NPSR1: variants seen among roughly 807,000 people sequenced by gnomAD.
NPSR1 encodes neuropeptide S receptor 1.
NPSR1 carries 48 observed loss-of-function variants against 46.9 expected under a neutral mutation model. The ratio of observed to expected loss-of-function variants is 1.02; its 90% CI spans 0.81 to 1.30. NPSR1 has a LOEUF of 1.30. Among genes scored for constraint, NPSR1 ranks in the 50% most tolerant of loss-of-function variants. NPSR1 has a pLI of 0.00. For synonymous variants in NPSR1, 176 were observed against 168.1 expected (o/e 1.05, Z -0.36); for missense variants, 450 against 449.5 (o/e 1.00, Z -0.01).
intron 8 of NPSR1, among the ~76,000 whole-genome samples, chr7:34,870,801 G>A (rs12386776): frequency 0.36 from 53,793 of 151,254 alleles, 10,656 homozygotes; most frequent in African/African-American, 0.5. Flanking sequence ...CTTTAAATTC[G>A]TCTCATCTAG....
intron 8 of NPSR1, among the ~76,000 whole-genome samples, chr7:34,856,675 T>C (rs1244219714): frequency 6.6e-6 from 1 of 151,668 alleles, no homozygotes; most frequent in East Asian, 1.9e-4. Context: ...AGCAGACTTT[T>C]GTTTGTGACA....
At chr7:34,774,618 G>A (rs1400944398) in intron 2 of NPSR1, among the ~76,000 whole-genome samples, 2 of 152,214 alleles carry the variant, frequency 1.3e-5, no homozygotes, top group Non-Finnish European at 2.9e-5. Context: ...GGATGGCATT[G>A]CTTCAGAGCC....
intron 8 of NPSR1, among the ~76,000 whole-genome samples, chr7:34,863,975 CA>C (rs1403617023): frequency 6.6e-6 from 1 of 151,718 alleles, no homozygotes; most frequent in Admixed American, 6.5e-5. Flanking sequence ...GGAACCAACC[CA>C]AATGTCCATC....
At chr7:34,741,754 T>A (rs1279865120) in intron 2 of NPSR1, among the ~76,000 whole-genome samples, 1 of 152,228 alleles carries the variant, frequency 6.6e-6, no homozygotes, top group Admixed American at 6.5e-5. Context: ...CCCTGTGACA[T>A]TAGCAAACTG....
intron 2 of NPSR1, chr7:34,728,954 GAGA>G (rs1735023799): frequency 6.6e-6 from 1 of 152,358 alleles, no homozygotes; most frequent in South Asian, 2.1e-4. Context: ...CAGCTCCCAA[GAGA>G]AGAATGAAAG....
chr7:34,829,693 T>C (rs1336877095), intron 5 of NPSR1, among the ~76,000 whole-genome samples: 1 of 152,204 alleles, frequency 6.6e-6, no homozygotes, highest in Non-Finnish European at 1.5e-5. Context: ...TCCCCATTAA[T>C]TTGGGCTGCT....
intron 4 of NPSR1, among the ~76,000 whole-genome samples, chr7:34,819,596 C>G (rs547064465): frequency 6.6e-6 from 1 of 152,294 alleles, no homozygotes; most frequent in East Asian, 1.9e-4. Flanking sequence ...AATCATGCTA[C>G]TATAAAGACA....
intron 3 of NPSR1, among the ~76,000 whole-genome samples, chr7:34,790,368 G>A (rs959986777): frequency 6.6e-6 from 1 of 151,858 alleles, no homozygotes; most frequent in Non-Finnish European, 1.5e-5. Context: ...GAAGAGAAGT[G>A]CTTCAACAAA....
intron 4 of NPSR1, among the ~76,000 whole-genome samples, chr7:34,821,513 C>T (rs780272478): frequency 6.6e-6 from 1 of 151,988 alleles, no homozygotes; most frequent in Non-Finnish European, 1.5e-5. Context: ...ACATCGACGC[C>T]AAAGTATTTT....
intron 2 of NPSR1, among the ~76,000 whole-genome samples, chr7:34,769,134 T>C (rs898356447): frequency 3.9e-5 from 6 of 152,190 alleles, no homozygotes. Flanking sequence ...TTTCTTCCTT[T>C]TTTCCTTCTA....
chr7:34,832,189 G>A (rs1159571942), intron 5 of NPSR1, among the ~76,000 whole-genome samples: 1 of 152,154 alleles, frequency 6.6e-6, no homozygotes, highest in Non-Finnish European at 1.5e-5. Context: ...ATTTTGCAGG[G>A]ACAATCCACA....
intron 2 of NPSR1, among the ~76,000 whole-genome samples, chr7:34,759,871 C>T (rs1334251509): frequency 1.3e-5 from 2 of 152,170 alleles, no homozygotes; most frequent in Non-Finnish European, 2.9e-5. Context: ...ATTTCCTGCA[C>T]AGGACCATCT....
intron 1 of NPSR1, among the ~76,000 whole-genome samples, chr7:34,665,060 A>G (rs1791667298): frequency 6.6e-6 from 1 of 152,228 alleles, no homozygotes; most frequent in African/African-American, 2.4e-5. Flanking sequence ...ATATGAAACT[A>G]AAGTCTGAGG....
intron 2 of NPSR1, among the ~76,000 whole-genome samples, chr7:34,731,243 A>G (rs991829336): frequency 2.6e-5 from 4 of 152,196 alleles, no homozygotes; most frequent in Non-Finnish European, 5.9e-5. Flanking sequence ...ATCAATAAGT[A>G]GAAGATAAAT....
At chr7:34,751,190 C>T (rs893585102) in intron 2 of NPSR1, 5 of 1,112,394 alleles carry the variant, frequency 4.5e-6, no homozygotes, top group Non-Finnish European at 6.9e-6. Flanking sequence ...CAGGGGTCCA[C>T]CAGATTGGGA....
At chr7:34,670,818 A>T (rs548079063) in intron 1 of NPSR1, among the ~76,000 whole-genome samples, 148 of 152,150 alleles carry the variant, frequency 9.7e-4, no homozygotes, top group African/African-American at 3.2e-3. Context: ...ATAATATGAG[A>T]TATATCAAAT....
chr7:34,722,323 T>C (rs1783901211), intron 2 of NPSR1, among the ~76,000 whole-genome samples: 1 of 152,214 alleles, frequency 6.6e-6, no homozygotes, highest in African/African-American at 2.4e-5. Flanking sequence ...ATATGTGGTA[T>C]ATGTAAAAAA....
chr7:34,811,280 G>C (rs934593640), intron 3 of NPSR1, among the ~76,000 whole-genome samples: 4 of 152,112 alleles, frequency 2.6e-5, no homozygotes, highest in Non-Finnish European at 5.9e-5. Context: ...GGGGGATGGA[G>C]TGGGAAGATG....
At chr7:34,678,627 C>A (rs1427661070) in intron 1 of NPSR1, among the ~76,000 whole-genome samples, 1 of 151,930 alleles carries the variant, frequency 6.6e-6, no homozygotes, top group African/African-American at 2.4e-5. Context: ...GAGATCGAGA[C>A]CATCTTGGCT....
Sources: gnomAD v4.1 joint callset for allele counts (sites outside exome capture counted in the v4.1 genomes callset) on GRCh38, gnomAD v4.1.1 for gene constraint, MANE v1.5 for transcripts, NCBI Gene and HGNC (gene_info 2026-07-23, HGNC 2026-07-21) for gene names.